The following ABR variants were observed in gnomAD, a reference collection of about 807,000 sequenced individuals.
ABR encodes the protein active breakpoint cluster region-related protein.
In ABR, 35 loss-of-function variants were observed where a neutral mutation model predicts 107.2. The ratio of observed to expected loss-of-function variants is 0.33; its 90% CI spans 0.25 to 0.43. ABR has a LOEUF of 0.43. Among genes scored for constraint, ABR ranks in the 20% least tolerant of loss-of-function variants. The pLI, the probability that ABR is intolerant of heterozygous loss-of-function variation, is 1.00. For missense variants in ABR, 815 were observed against 1,115.2 expected, an observed-to-expected ratio of 0.73 and a Z score of 3.83; for synonymous variants, 498 against 462.0, an observed-to-expected ratio of 1.08 and a Z score of -1.00.
At chr17:1,076,719 G>GC in intron 6 of ABR, among the ~76,000 whole-genome samples, 2 of 125,970 alleles carry the variant, frequency 1.6e-5, no homozygotes, top group East Asian at 4.9e-4. Flanking sequence ...GTGCACGGGG[G>GC]GGGTGGGGGT....
intron 2 of ABR, among the ~76,000 whole-genome samples, chr17:1,109,911 C>T (rs2038561331): frequency 8.5e-6 from 1 of 117,606 alleles, no homozygotes; most frequent in South Asian, 3.4e-4. Context: ...ACACCAGCAC[C>T]CCCACCTCCT....
At chr17:1,039,916 G>T (rs2030041825) in intron 16 of ABR, among the ~76,000 whole-genome samples, 1 of 152,186 alleles carries the variant, frequency 6.6e-6, no homozygotes, top group Admixed American at 6.5e-5. Context: ...ACGACAGGGA[G>T]CTATGGGGGC....
Position 1,199,105 on chromosome 17 carries a change from C to A in ABR, c.838+29688G>T, listed in dbSNP as rs979264662. 8.3e-4 allele frequency among the ~76,000 whole-genome samples: 125 copies of A among 149,734 alleles called. 4 individuals are homozygous for A. Among genetic ancestry groups the A allele is most frequent in the African/African-American group, 2.8e-3 (113 of 40,170 alleles). ...TCCAAGGACGAGGCCCTATCTCCTC[C>A]CAGACCTTCATTCCTCTGAGGGGGC... On this transcript the variant is annotated intron_variant, in intron 1 of 22. Coordinates refer to the ABR transcript ENST00000574139.
chr17:1,218,863 C>G (rs1195860998), intron 1 of ABR, among the ~76,000 whole-genome samples: 1 of 152,150 alleles, frequency 6.6e-6, no homozygotes, highest in African/African-American at 2.4e-5. Flanking sequence ...CTCTGAATTC[C>G]TTATACATTC....
In ABR at chr17:1,168,025, G is replaced by C. The variant is rs996890647; in HGVS notation, c.61+11642C>G. Among the ~76,000 whole-genome samples, 6 of 151,326 alleles carry C rather than the reference G, an allele frequency of 4.0e-5. No homozygotes were observed. In the South Asian group the frequency reaches 1.3e-3, roughly 32 times the overall value. ...AAATTAGCCGGGCGTGGTGGCGCACGCCTGTAATCCCAGCACTTTGGGAGG... is the reference window on the plus strand; with the variant it reads ...AAATTAGCCGGGCGTGGTGGCGCACCCCTGTAATCCCAGCACTTTGGGAGG... On this transcript the variant is annotated intron_variant, in intron 1 of 22. Coordinates refer to ENST00000302538, the MANE Select transcript of ABR (RefSeq NM_021962.5).
intron 10 of ABR, among the ~76,000 whole-genome samples, chr17:1,065,669 A>G (rs2034641585): frequency 6.6e-6 from 1 of 152,148 alleles, no homozygotes; most frequent in South Asian, 2.1e-4. Flanking sequence ...AGACAGCACT[A>G]AACAGTTTGC....
At chr17:1,190,984 C>G (rs1280573379), upstream of ABR, among the ~76,000 whole-genome samples, 1 of 152,190 alleles carries the variant, frequency 6.6e-6, no homozygotes, top group East Asian at 1.9e-4. Context: ...TCTGCAGGGC[C>G]TGACAGACAG....
chr17:1,083,980 C>T (rs993970290), intron 4 of ABR, among the ~76,000 whole-genome samples: 2 of 152,108 alleles, frequency 1.3e-5, no homozygotes, highest in Non-Finnish European at 1.5e-5. Flanking sequence ...CTCATACTTC[C>T]TTCACATCCT....
chr17:1,205,011 C>G (rs2042763342), intron 1 of ABR, among the ~76,000 whole-genome samples: 1 of 142,300 alleles, frequency 7.0e-6, no homozygotes, highest in Admixed American at 7.8e-5. Flanking sequence ...TAAAGTGATT[C>G]TCCTGCCTCA....
chr17:1,203,884 G>A lies in ABR; in HGVS notation c.838+24909C>T, dbSNP rs895593239. On this transcript the variant is annotated intron_variant, in intron 1 of 22. Transcript: ENST00000574139. ...GTTCCGGTGGCGCCGCCTGACGCGG[G>A]AGGAGAAACCAGCTCCAGCTCCTCA... 3.3e-5 allele frequency among the ~76,000 whole-genome samples: 5 copies of A among 152,148 alleles called. No individual in the cohort carries two copies. The East Asian group carries it at 5.8e-4, about 18-fold the overall frequency.
intron 4 of ABR, among the ~76,000 whole-genome samples, chr17:1,087,599 C>T (rs2036696371): frequency 6.6e-6 from 1 of 151,968 alleles, no homozygotes; most frequent in South Asian, 2.1e-4. Flanking sequence ...GGGGCGGGGC[C>T]GGACGGGAGG....
intron 2 of ABR, among the ~76,000 whole-genome samples, chr17:1,120,766 A>G (rs1380646486): frequency 6.6e-6 from 1 of 152,164 alleles, no homozygotes; most frequent in Non-Finnish European, 1.5e-5. Flanking sequence ...GTGTCTTCAC[A>G]CTACAGATGA....
chr17:1,184,257 G>A (rs1396897108), upstream of ABR, among the ~76,000 whole-genome samples: 10 of 151,894 alleles, frequency 6.6e-5, no homozygotes, highest in African/African-American at 9.7e-5. Context: ...AGATCGAGAC[G>A]ATCCTGGCTA....
intron 10 of ABR, among the ~76,000 whole-genome samples, chr17:1,061,717 T>C (rs1383871096): frequency 6.6e-6 from 1 of 152,058 alleles, no homozygotes; most frequent in East Asian, 1.9e-4. Flanking sequence ...CGGCTAACTT[T>C]TGTATTTTTC....
rs1277626085 is a variant in ABR, at chr17:1,070,792, C to T, written c.895-702G>A. The stretch of plus-strand genomic sequence containing the variant: ...AGCCGGGGGGTCGTCCCCATCTGTG[C>T]CAGCCTTTCCTGTATGATACACGGT... On this transcript the variant is annotated intron_variant, in intron 8 of 22. Transcript: ENST00000302538. The surrounding 1 kb of genome is among the most constrained non-coding windows in gnomAD (Gnocchi z 4.2). Among the ~76,000 whole-genome samples the T allele has an allele frequency of 2.0e-5, 3 of 152,206 alleles. No individual in the cohort carries two copies. Among genetic ancestry groups the T allele is most frequent in the African/African-American group, 7.2e-5 (3 of 41,450 alleles).
chr17:1,109,100 A>G (rs763360977), intron 2 of ABR: 2 of 1,550,800 alleles, frequency 1.3e-6, no homozygotes, highest in Non-Finnish European at 1.7e-6. Context: ...GCAGACAGGA[A>G]GCGGGGTCCA....
rs2042050900 is a variant in ABR, at chr17:1,179,624, C to T, written c.61+43G>A. The T allele has an allele frequency of 6.8e-6, 10 of 1,477,890 alleles. No homozygotes were observed. The highest frequency in any genetic ancestry group is 3.0e-5 in the African/African-American group (2 of 67,030). 91.5% of individuals were successfully genotyped at this position (1,477,890 alleles called of 1,614,324 possible). A position where few individuals can be genotyped will look rare whatever the true frequency, so the allele number is the denominator to read the frequency against. ...GGGTCCCGATCTCCATCCTGGGGTC[C>T]CGATCCCGATCCTGGGGTCCCGCCC... On this transcript the variant is annotated intron_variant, in intron 1 of 22. Coordinates refer to ENST00000302538, the MANE Select transcript of ABR (RefSeq NM_021962.5). This position sits in a 1 kb window ranked among gnomAD's most constrained non-coding sequence, Gnocchi z 4.9.
intron 16 of ABR, among the ~76,000 whole-genome samples, chr17:1,032,775 T>A (rs1197332684): frequency 6.6e-6 from 1 of 152,192 alleles, no homozygotes; most frequent in East Asian, 1.9e-4. Context: ...TAGAGTACGG[T>A]ATTCAGAGAA....
chr17:1,056,710 T>C (rs1005890939), intron 13 of ABR, among the ~76,000 whole-genome samples: 1 of 152,150 alleles, frequency 6.6e-6, no homozygotes, highest in African/African-American at 2.4e-5. Context: ...CCATTTTATC[T>C]ACCGGGTCTG....
Sources: gnomAD v4.1 joint callset for allele counts (sites outside exome capture counted in the v4.1 genomes callset) on GRCh38, gnomAD v4.1.1 for gene constraint, Gnocchi (gnomAD v3.1) non-coding constraint, MANE v1.5 for transcripts, NCBI Gene and HGNC (gene_info 2026-07-23, HGNC 2026-07-21) for gene names.